The following SHROOM3 variants were observed in gnomAD, a reference collection of about 807,000 sequenced individuals.
The protein encoded by SHROOM3 is shroom family member 3, also known as protein Shroom3.
In SHROOM3, 47 loss-of-function variants were observed where a neutral mutation model predicts 138.6. The ratio of observed to expected loss-of-function variants is 0.34; its 90% CI spans 0.27 to 0.43. SHROOM3 has a LOEUF of 0.43. Ranked by LOEUF, SHROOM3 falls within the 20% of genes least tolerant of loss-of-function variation. SHROOM3 has a pLI of 1.00. For synonymous variants in SHROOM3, 1,062 were observed against 1,063.3 expected (o/e 1.00, Z 0.02); for missense variants, 2,491 against 2,596.5 (o/e 0.96, Z 0.88).
At chr4:76,509,749 C>G (rs1427200523) in intron 1 of SHROOM3, 1 of 152,126 alleles carries the variant, frequency 6.6e-6, no homozygotes, top group Admixed American at 6.5e-5. Context: ...AGTGAGCACT[C>G]TCAGACTCTT....
rs559009738 is a variant in SHROOM3 at position 76,780,240 on chromosome 4, G to T, written c.*1063G>T. 6.6e-6 allele frequency: 1 copy of T among 152,204 alleles called. No homozygotes were observed. The highest frequency in any genetic ancestry group is 2.4e-5 in the African/African-American group (1 of 41,544). 9.4% of individuals were successfully genotyped at this position (152,204 alleles called of 1,614,324 possible). A position where few individuals can be genotyped will look rare whatever the true frequency, so the allele number is the denominator to read the frequency against. ...TCCTTAACCTCTGAAGACTGATTTT[G>T]CTTTATCATGTTTCAATAATAACAT... On this transcript the variant is annotated 3_prime_UTR_variant, in exon 11 of 11. Transcript: ENST00000296043.
At chr4:76,736,707 C>G (rs1265960755) in intron 4 of SHROOM3, among the ~76,000 whole-genome samples, 1 of 152,158 alleles carries the variant, frequency 6.6e-6, no homozygotes, top group East Asian at 1.9e-4. Flanking sequence ...AACATTTAAA[C>G]CACTTATTCC....
intron 1 of SHROOM3, among the ~76,000 whole-genome samples, chr4:76,503,601 G>A (rs1280510569): frequency 6.6e-6 from 1 of 151,998 alleles, no homozygotes; most frequent in Non-Finnish European, 1.5e-5. Flanking sequence ...GCTAATTTTT[G>A]TGTCTTTAGT....
Position 76,733,095 on chromosome 4 carries a change from C to T in SHROOM3, c.587+2160C>T, listed in dbSNP as rs76311846. ...GTCCTTTGAGCATCCTTACTCCTAA[C>T]CTTCTTATGAAGCCCTAAATCCAAA... On this transcript the variant is annotated intron_variant, in intron 4 of 10. Transcript: ENST00000296043. Among the ~76,000 whole-genome samples, 1,168 of 152,262 alleles carry T rather than the reference C, an allele frequency of 7.7e-3. 16 individuals carry two copies. The highest frequency in any genetic ancestry group is 0.025 in the African/African-American group (1,037 of 41,550).
chr4:76,517,228 G>T (rs1732461586), intron 1 of SHROOM3, among the ~76,000 whole-genome samples: 1 of 152,172 alleles, frequency 6.6e-6, no homozygotes, highest in Non-Finnish European at 1.5e-5. Context: ...CCGTGTGTCT[G>T]CCCATCTTGG....
At chr4:76,706,026 A>G (rs1403983280) in intron 2 of SHROOM3, among the ~76,000 whole-genome samples, 1 of 152,236 alleles carries the variant, frequency 6.6e-6, no homozygotes, top group Non-Finnish European at 1.5e-5. Context: ...GAAGCCTTAC[A>G]GTTGATTAAC....
chr4:76,533,224 A>G (rs1683849058), intron 1 of SHROOM3, among the ~76,000 whole-genome samples: 1 of 152,202 alleles, frequency 6.6e-6, no homozygotes, highest in South Asian at 2.1e-4. Context: ...TTGTCCTCAT[A>G]TAGCTGGGTC....
chr4:76,437,056 A>G (rs1265275755), intron 1 of SHROOM3, among the ~76,000 whole-genome samples: 1 of 152,178 alleles, frequency 6.6e-6, no homozygotes, highest in Non-Finnish European at 1.5e-5. Context: ...AGAAGGTAAT[A>G]TGGATTGCAT....
intron 2 of SHROOM3, among the ~76,000 whole-genome samples, chr4:76,568,929 T>C (rs1164852772): frequency 1.3e-5 from 2 of 152,116 alleles, no homozygotes; most frequent in African/African-American, 2.4e-5. Context: ...ATCTGGGAAG[T>C]AAAGACAACC....
intron 2 of SHROOM3, among the ~76,000 whole-genome samples, chr4:76,622,019 C>T (rs1192546387): frequency 3.3e-5 from 5 of 151,958 alleles, no homozygotes; most frequent in South Asian, 2.1e-4. Context: ...TTAGTAGAGT[C>T]GGGGTTTCAC....
At chr4:76,523,848 G>A (rs985513485) in intron 1 of SHROOM3, among the ~76,000 whole-genome samples, 1 of 152,218 alleles carries the variant, frequency 6.6e-6, no homozygotes, top group African/African-American at 2.4e-5. Flanking sequence ...GGCCAGAATA[G>A]TTGGAACAAG....
intron 1 of SHROOM3, among the ~76,000 whole-genome samples, chr4:76,445,942 A>T (rs974882843): frequency 6.6e-6 from 1 of 152,196 alleles, no homozygotes; most frequent in Non-Finnish European, 1.5e-5. Flanking sequence ...TTAGGGAATG[A>T]TGCACAAAGA....
At chr4:76,716,020 T>C (rs994920546) in intron 3 of SHROOM3, 1 of 203,282 alleles carries the variant, frequency 4.9e-6, no homozygotes, top group Non-Finnish European at 1.0e-5. Context: ...CATCAGATGA[T>C]TTTCCTTGCT....
intron 2 of SHROOM3, among the ~76,000 whole-genome samples, chr4:76,674,895 T>G (rs1434526260): frequency 3.3e-5 from 5 of 152,166 alleles, no homozygotes; most frequent in South Asian, 4.2e-4. Context: ...TTCTCCCCAC[T>G]CATCCTCCCC....
intron 2 of SHROOM3, among the ~76,000 whole-genome samples, chr4:76,605,116 C>T (rs74555598): frequency 3.3e-5 from 5 of 152,176 alleles, no homozygotes; most frequent in African/African-American, 4.8e-5. Flanking sequence ...GTCCCCATGG[C>T]GGTAAAAGCA....
chr4:76,597,391 T>C (rs1734413546), intron 2 of SHROOM3, among the ~76,000 whole-genome samples: 1 of 151,930 alleles, frequency 6.6e-6, no homozygotes, highest in Non-Finnish European at 1.5e-5. Flanking sequence ...ATGAGAAAAA[T>C]CCCTTGGAAG....
chr4:76,687,505 G>A (rs1719375718), intron 2 of SHROOM3, among the ~76,000 whole-genome samples: 1 of 152,158 alleles, frequency 6.6e-6, no homozygotes, highest in South Asian at 2.1e-4. Context: ...GGACAGACAA[G>A]GAGAACGGAG....
chr4:76,483,308 A>C (rs1274478307), intron 1 of SHROOM3, among the ~76,000 whole-genome samples: 1 of 151,908 alleles, frequency 6.6e-6, no homozygotes, highest in Non-Finnish European at 1.5e-5. Flanking sequence ...TTATAAGAAA[A>C]AAACAACCCC....
At chr4:76,628,820 G>C (rs1277779180) in intron 2 of SHROOM3, 1 of 150,868 alleles carries the variant, frequency 6.6e-6, no homozygotes, top group East Asian at 2.0e-4. Flanking sequence ...AGGAGTTCTA[G>C]GGTAGGAAAA....
Sources: allele counts gnomAD v4.1 joint callset (sites outside exome capture counted in the v4.1 genomes callset), GRCh38; gene constraint gnomAD v4.1.1; transcripts MANE v1.5; gene names NCBI Gene and HGNC (gene_info 2026-07-23, HGNC 2026-07-21).